GFRAL: variants seen among roughly 807,000 people sequenced by gnomAD.
GFRAL encodes the protein GDNF family receptor alpha-like.
GFRAL carries 36 observed loss-of-function variants against 45.4 expected under a neutral mutation model. The observed-to-expected ratio is 0.79, with a 90% confidence interval of 0.61 to 1.05. The LOEUF is 1.05. GFRAL is among the 50% of genes least tolerant of loss of function. GFRAL has a pLI of 0.00. For synonymous variants in GFRAL, 166 were observed against 154.1 expected, an observed-to-expected ratio of 1.08 and a Z score of -0.57; for missense variants, 507 against 467.5, an observed-to-expected ratio of 1.08 and a Z score of -0.78.
At chr6:55,359,520 C>G (rs963504169) in intron 6 of GFRAL, among the ~76,000 whole-genome samples, 1 of 151,892 alleles carries the variant, frequency 6.6e-6, no homozygotes, top group Non-Finnish European at 1.5e-5. Context: ...TTTATTTGCT[C>G]ACAATTCTGC....
intron 6 of GFRAL, among the ~76,000 whole-genome samples, chr6:55,394,354 G>A (rs1277814655): frequency 1.3e-5 from 2 of 152,104 alleles, no homozygotes; most frequent in East Asian, 1.9e-4. Context: ...GGAGGGGCAG[G>A]ACTGAATCTT....
At position 55,359,150 on chromosome 6, in the gene GFRAL, A is replaced by C. The variant is rs1321340588; in HGVS notation, c.952+12A>C. The C allele has an allele frequency of 2.7e-6, 4 of 1,501,144 alleles. No individual in the cohort carries two copies. The highest frequency in any genetic ancestry group is 1.8e-6 in the Non-Finnish European group (2 of 1,100,018). 93.0% of individuals were successfully genotyped at this position (1,501,144 alleles called of 1,614,324 possible). ...AAAATCATGTTTCAGTAAGTTCCCC[A>C]AATAAAATTATCTGTCTATCTATCT... is the stretch of plus-strand genomic sequence containing the variant. On this transcript the variant is annotated intron_variant, in intron 6 of 8. Coordinates refer to ENST00000340465, the MANE Select transcript of GFRAL (RefSeq NM_207410.2).
intron 6 of GFRAL, among the ~76,000 whole-genome samples, chr6:55,371,527 A>G (rs1317272105): frequency 1.3e-5 from 2 of 152,180 alleles, no homozygotes; most frequent in Non-Finnish European, 2.9e-5. Flanking sequence ...CTTGTTCCTG[A>G]TCTTGAAGAG....
intron 3 of GFRAL, among the ~76,000 whole-genome samples, chr6:55,346,069 A>T (rs1423111828): frequency 6.6e-6 from 1 of 152,216 alleles, no homozygotes; most frequent in Non-Finnish European, 1.5e-5. Flanking sequence ...GTGGAGAAAT[A>T]GGAACACTTT....
At chr6:55,364,093 G>A (rs1768319554) in intron 6 of GFRAL, among the ~76,000 whole-genome samples, 1 of 145,294 alleles carries the variant, frequency 6.9e-6, no homozygotes. Context: ...ATCCTCTCCA[G>A]TACCTGTTGT....
At chr6:55,363,497 T>TA in intron 6 of GFRAL, among the ~76,000 whole-genome samples, 1 of 151,442 alleles carries the variant, frequency 6.6e-6, no homozygotes, top group South Asian at 2.1e-4. Context: ...GCAGGTTAGT[T>TA]ACATATGTAT....
intron 6 of GFRAL, among the ~76,000 whole-genome samples, chr6:55,395,175 A>AAAAAAAAATATATATATATATAT: frequency 8.1e-6 from 1 of 123,512 alleles, no homozygotes; most frequent in African/African-American, 3.5e-5. Context: ...AAAAAAAAAA[A>AAAAAAAAATATATATATATATAT]ATATATATAT....
intron 1 of GFRAL, 111 bp downstream of exon 1, chr6:55,327,687 G>A (rs1767783506): frequency 2.1e-6 from 2 of 972,884 alleles, no homozygotes; most frequent in Admixed American, 4.7e-5. Context: ...GAAGTACCAA[G>A]TAAATTACAA....
chr6:55,341,320 C>T (rs140609537), intron 3 of GFRAL, among the ~76,000 whole-genome samples: 2,002 of 152,266 alleles, frequency 0.013, 24 homozygotes, highest in Non-Finnish European at 0.022. Flanking sequence ...CCCTGTGAGA[C>T]GAAGCTTCCA....
Position 55,395,837 on chromosome 6 carries a change from G to A in GFRAL, c.953-3343G>A, listed in dbSNP as rs1030393320. ...ATGCTCACCTCTCCATAGCTCATTT[G>A]GGGAGAATATTACCTAAATTTGTTC... is the stretch of plus-strand genomic sequence containing the variant. On this transcript the variant is annotated intron_variant, in intron 6 of 8. Transcript: ENST00000340465. Among the ~76,000 whole-genome samples the A allele has an allele frequency of 3.0e-4, 45 of 150,910 alleles. 1 individual carries two copies. The highest frequency in any genetic ancestry group is 1.5e-5 in the Non-Finnish European group (1 of 67,808).
At position 55,351,260 on chromosome 6, in the gene GFRAL, A is replaced by T; in HGVS notation, c.378A>T (p.Lys126Asn). ...NLTTRSHHGF[K>N]GMWSCLEVAE... ...GCATATCATTGCTTTCAGGATTCAA[A>T]GGGATGTGGTCCTGTTTGGAAGTGG... Residue 126 changes from lysine (K) to asparagine (N), a missense_variant, in exon 5 of 9, where the codon AAA becomes AAT. Transcript: ENST00000340465. 1 of 1,581,598 alleles carries T rather than the reference A, an allele frequency of 6.3e-7. No homozygotes were observed.
intron 3 of GFRAL, among the ~76,000 whole-genome samples, chr6:55,335,239 A>G (rs552933124): frequency 2.0e-4 from 30 of 152,226 alleles, no homozygotes; most frequent in Non-Finnish European, 3.7e-4. Context: ...GCATATTTTT[A>G]TATGTTGTGT....
intron 6 of GFRAL, among the ~76,000 whole-genome samples, chr6:55,386,677 A>G (rs1229659336): frequency 1.3e-5 from 2 of 152,178 alleles, no homozygotes; most frequent in African/African-American, 4.8e-5. Flanking sequence ...GGAAGATTTT[A>G]TCTTAGGACC....
chr6:55,369,354 G>A (rs12111144), intron 6 of GFRAL, among the ~76,000 whole-genome samples: 4,210 of 152,240 alleles, frequency 0.028, 80 homozygotes, highest in African/African-American at 0.05. Flanking sequence ...GCACTCCCTA[G>A]TGAGATGAAC....
intron 6 of GFRAL, among the ~76,000 whole-genome samples, chr6:55,392,324 T>C (rs1466144091): frequency 6.6e-6 from 1 of 152,218 alleles, no homozygotes; most frequent in East Asian, 1.9e-4. Flanking sequence ...TCTCTCCATA[T>C]TGATTGTCAT....
chr6:55,333,816 C>T lies in GFRAL; in HGVS notation c.188C>T (p.Ser63Leu), dbSNP rs915409341. Residue 63 changes from serine (S) to leucine (L), a missense_variant, in exon 3 of 9, where the codon TCA becomes TTA. Ser to Leu is a moderately radical substitution (Grantham distance 145). Coordinates refer to ENST00000340465, the MANE Select transcript of GFRAL (RefSeq NM_207410.2). ...DPGDPCKMRN[S>L]SYCNLSIQYL... Reference sequence around the variant, plus strand: ...GGTGACCCCTGCAAGATGAGGAATTCATCATACTGTAACCTGAGTATCCAG... The same window carrying T: ...GGTGACCCCTGCAAGATGAGGAATTTATCATACTGTAACCTGAGTATCCAG... The T allele has an allele frequency of 4.4e-6, 7 of 1,603,540 alleles. No individual in the cohort carries two copies. Among genetic ancestry groups the T allele is most frequent in the East Asian group, 4.5e-5 (2 of 44,526 alleles).
Position 55,340,166 on chromosome 6 carries a change from G to C in GFRAL, c.316+6222G>C, listed in dbSNP as rs185853526. 2.9e-3 allele frequency among the ~76,000 whole-genome samples: 448 copies of C among 152,238 alleles called. 4 individuals are homozygous for C. The highest frequency in any genetic ancestry group is 0.011 in the African/African-American group (439 of 41,542). On this transcript the variant is annotated intron_variant, in intron 3 of 8. Transcript: ENST00000340465. ...AAATTGATAATTTAAATATGAGAAAGAACATGATAATTTAAATCTTACCAT... is the reference window on the plus strand; with the variant it reads ...AAATTGATAATTTAAATATGAGAAACAACATGATAATTTAAATCTTACCAT...
intron 6 of GFRAL, among the ~76,000 whole-genome samples, chr6:55,390,484 T>C (rs1175088949): frequency 2.0e-5 from 3 of 152,218 alleles, no homozygotes; most frequent in African/African-American, 7.2e-5. Flanking sequence ...AAGATCACTC[T>C]TAAATATCTG....
At chr6:55,331,894 A>G in intron 2 of GFRAL, 45 bp downstream of exon 2, 3 of 1,550,982 alleles carry the variant, frequency 1.9e-6, no homozygotes, top group Non-Finnish European at 2.6e-6. Context: ...TATTTTTACT[A>G]AGATAAAAAC....
Sources: gnomAD v4.1 joint callset for allele counts (sites outside exome capture counted in the v4.1 genomes callset) on GRCh38, gnomAD v4.1.1 for gene constraint, MANE v1.5 for transcripts, NCBI Gene and HGNC (gene_info 2026-07-23, HGNC 2026-07-21) for gene names.